SNX7: variants seen among roughly 807,000 people sequenced by gnomAD.
SNX7 encodes sorting nexin-7.
In SNX7, 35 loss-of-function variants were observed where a neutral mutation model predicts 48.4. The observed-to-expected ratio is 0.72, with a 90% CI of 0.55 to 0.96. The LOEUF is 0.96. Ranked by LOEUF, SNX7 falls within the 40% of genes least tolerant of loss-of-function variation. The probability of loss-of-function intolerance (pLI) is 0.00; values close to 1 mark genes in which losing one functional copy is unlikely to be tolerated. For missense variants in SNX7, 553 were observed against 548.9 expected (o/e 1.01, Z -0.07); for synonymous variants, 190 against 190.2 (o/e 1.00, Z 0.01).
intron 7 of SNX7, among the ~76,000 whole-genome samples, chr1:98,723,589 G>T (rs989579291): frequency 6.6e-6 from 1 of 151,888 alleles, no homozygotes; most frequent in African/African-American, 2.4e-5. Flanking sequence ...TCTAGGTCGG[G>T]TGCAGTGGCT....
intron 7 of SNX7, among the ~76,000 whole-genome samples, chr1:98,724,666 T>G (rs1308696468): frequency 1.3e-5 from 2 of 152,112 alleles, no homozygotes; most frequent in African/African-American, 4.8e-5. Flanking sequence ...CAGGGATAAG[T>G]GATGGAAGAT....
In SNX7 at chr1:98,664,743, GA is replaced by G. The variant is rs1415888222; in HGVS notation, c.180+2834del. Among the ~76,000 whole-genome samples, 5 of 152,112 alleles carry G rather than the reference GA, an allele frequency of 3.3e-5. No homozygotes were observed. In the South Asian group the frequency reaches 8.3e-4, roughly 25 times the overall value. The stretch of plus-strand genomic sequence containing the variant: ...ATGGAAAGTAAAACAAAGTTGTTCT[GA>G]ATTTTCTTATAATCCAGTGAGAAGA... On this transcript the variant is annotated intron_variant, in intron 1 of 8. Transcript: ENST00000306121.
rs77121905 is a variant in SNX7, at chr1:98,709,921, T to G, written c.1125+8018T>G. Reference sequence around the variant, plus strand: ...GTAGAGTACAATTGTGGAAGCTCTCTTATATGGAATATGGAATCTAATAAG... The same window carrying G: ...GTAGAGTACAATTGTGGAAGCTCTCGTATATGGAATATGGAATCTAATAAG... On this transcript the variant is annotated intron_variant, in intron 7 of 8. Coordinates refer to ENST00000306121, the MANE Select transcript of SNX7 (RefSeq NM_015976.5). Among the ~76,000 whole-genome samples the G allele has an allele frequency of 3.7e-3, 571 of 152,338 alleles. 5 individuals are homozygous for G. The highest frequency in any genetic ancestry group is 0.013 in the African/African-American group (534 of 41,574).
intron 1 of SNX7, chr1:98,662,886 TGC>T (rs1278211692): frequency 7.5e-5 from 94 of 1,255,702 alleles, no homozygotes; most frequent in Non-Finnish European, 9.4e-5. Context: ...GAAGTGACCA[TGC>T]ATACTCTGAC....
Position 98,743,972 on chromosome 1 carries a change from A to C in SNX7, c.1278+5583A>C, listed in dbSNP as rs145138500. 6.8e-4 allele frequency among the ~76,000 whole-genome samples: 103 copies of C among 152,216 alleles called. 2 individuals are homozygous for C. The East Asian group carries it at 0.019, about 28-fold the overall frequency. On this transcript the variant is annotated intron_variant, in intron 8 of 8. Transcript: ENST00000306121. ...GATGGATGGCATTTAGATTCCTGTC[A>C]GAAATTTCATTCTATTCAAAACTGA...
At chr1:98,732,660 C>T (rs1253738458) in intron 7 of SNX7, among the ~76,000 whole-genome samples, 2 of 151,874 alleles carry the variant, frequency 1.3e-5, no homozygotes, top group Admixed American at 1.3e-4. Flanking sequence ...TCTTTCACAT[C>T]GGTAAGTCAA....
At chr1:98,688,437 A>G (rs1650928243) in intron 2 of SNX7, among the ~76,000 whole-genome samples, 1 of 152,210 alleles carries the variant, frequency 6.6e-6, no homozygotes, top group Non-Finnish European at 1.5e-5. Context: ...AAGAGTAAGA[A>G]TGAAGAGATT....
chr1:98,679,617 A>G (rs897346535), intron 1 of SNX7, among the ~76,000 whole-genome samples: 2 of 152,198 alleles, frequency 1.3e-5, no homozygotes, highest in African/African-American at 4.8e-5. Context: ...GACATTGGGT[A>G]AATATACCCA....
chr1:98,744,263 C>T (rs1570602232), intron 8 of SNX7, among the ~76,000 whole-genome samples: 1 of 151,890 alleles, frequency 6.6e-6, no homozygotes, highest in Admixed American at 6.6e-5. Context: ...ATCATACACT[C>T]TAAATGAGAA....
intron 7 of SNX7, among the ~76,000 whole-genome samples, chr1:98,730,302 A>G (rs2101022751): frequency 6.6e-6 from 1 of 152,304 alleles, no homozygotes; most frequent in Admixed American, 6.5e-5. Context: ...CAGCCATATC[A>G]TACTGAATGG....
intron 8 of SNX7, among the ~76,000 whole-genome samples, chr1:98,752,130 AT>A (rs1448498036): frequency 6.6e-6 from 1 of 152,068 alleles, no homozygotes; most frequent in African/African-American, 2.4e-5. Flanking sequence ...AGGTTTTGAG[AT>A]TTTTTTGGTT....
intron 1 of SNX7, among the ~76,000 whole-genome samples, chr1:98,665,879 C>T (rs1031409834): frequency 2.0e-5 from 3 of 152,100 alleles, no homozygotes; most frequent in Non-Finnish European, 2.9e-5. Flanking sequence ...CGTGAGCCAC[C>T]GTGCCCAGCT....
chr1:98,755,902 T>A (rs1654817655), intron 8 of SNX7, among the ~76,000 whole-genome samples: 1 of 152,074 alleles, frequency 6.6e-6, no homozygotes, highest in Non-Finnish European at 1.5e-5. Context: ...ATGGTGTGTT[T>A]AGCATGTAGA....
chr1:98,739,539 A>G (rs1182554246), intron 8 of SNX7, among the ~76,000 whole-genome samples: 1 of 152,216 alleles, frequency 6.6e-6, no homozygotes, highest in Admixed American at 6.5e-5. Context: ...TCATGTAGTT[A>G]CAGCCAATGA....
chr1:98,687,982 C>A (rs930582504), intron 2 of SNX7, among the ~76,000 whole-genome samples: 18 of 152,268 alleles, frequency 1.2e-4, no homozygotes, highest in African/African-American at 4.3e-4. Context: ...CCGCCCTTGA[C>A]ACATGGGGAT....
At chr1:98,669,006 G>A (rs1354110704) in intron 1 of SNX7, among the ~76,000 whole-genome samples, 4 of 152,140 alleles carry the variant, frequency 2.6e-5, no homozygotes, top group Non-Finnish European at 5.9e-5. Context: ...AAATTTAACT[G>A]TAAGAGCAGT....
At chr1:98,686,477 T>C (rs149358866) in intron 2 of SNX7, among the ~76,000 whole-genome samples, 1 of 152,302 alleles carries the variant, frequency 6.6e-6, no homozygotes, top group African/African-American at 2.4e-5. Flanking sequence ...TGTTTATTTG[T>C]ATTTATTCTC....
At chr1:98,662,861 G>A (rs1570472677) in intron 1 of SNX7, 1 of 1,287,592 alleles carries the variant, frequency 7.8e-7, no homozygotes, top group Non-Finnish European at 1.0e-6. Flanking sequence ...CTCTGGGAGA[G>A]CAAACCAAAG....
At chr1:98,744,963 A>G (rs541292695) in intron 8 of SNX7, among the ~76,000 whole-genome samples, 1 of 152,180 alleles carries the variant, frequency 6.6e-6, no homozygotes, top group African/African-American at 2.4e-5. Context: ...GGTGAATCCT[A>G]AAATTACCCC....
Sources: gnomAD v4.1 joint callset for allele counts (sites outside exome capture counted in the v4.1 genomes callset) on GRCh38, gnomAD v4.1.1 for gene constraint, MANE v1.5 for transcripts, NCBI Gene and HGNC (gene_info 2026-07-23, HGNC 2026-07-21) for gene names.